The following SPNS2 variants were observed in gnomAD, a reference collection of about 807,000 sequenced individuals.
The protein encoded by SPNS2 is SPNS lysolipid transporter 2, sphingosine-1-phosphate.
SPNS2 carries 37 observed loss-of-function variants against 57.6 expected under a neutral mutation model. That is an observed-to-expected ratio of 0.64 (90% CI 0.49 to 0.85). The LOEUF (loss-of-function observed/expected upper bound fraction) is 0.85, where lower values mean the gene tolerates loss of function less well. Among genes scored for constraint, SPNS2 ranks in the 40% least tolerant of loss-of-function variants. The pLI is 0.00. For synonymous variants in SPNS2, 440 were observed against 346.9 expected (o/e 1.27, Z -2.98); for missense variants, 831 against 779.1 (o/e 1.07, Z -0.79).
chr17:4,516,782 A>G (rs1325524771), intron 2 of SPNS2, among the ~76,000 whole-genome samples: 1 of 152,250 alleles, frequency 6.6e-6, no homozygotes, highest in African/African-American at 2.4e-5. Context: ...AGCTAAAGCT[A>G]GCAGGGAAAT....
At chr17:4,536,658 AGTGGTTTTCAAAGCT>A in intron 11 of SPNS2, 2 of 665,668 alleles carry the variant, frequency 3.0e-6, no homozygotes, top group South Asian at 3.8e-5. Flanking sequence ...CTCTGGACTT[AGTGGTTTTCAAAGCT>A]GGGGCCCCTC....
chr17:4,522,735 G>A (rs776830933), intron 2 of SPNS2, among the ~76,000 whole-genome samples: 3 of 152,232 alleles, frequency 2.0e-5, no homozygotes, highest in Non-Finnish European at 2.9e-5. Context: ...CCCATCAGCT[G>A]TGGGACTGCT....
intron 1 of SPNS2, 60 bp from the exon 2 acceptor site, chr17:4,513,187 G>T (rs1904891412): frequency 1.3e-6 from 2 of 1,577,144 alleles, no homozygotes; most frequent in Non-Finnish European, 1.7e-6. Flanking sequence ...AGGCTGGGCT[G>T]GTCTGTGGGG....
chr17:4,536,454 T>C (rs981322276), intron 11 of SPNS2, 28 bp downstream of exon 11: 19 of 1,578,546 alleles, frequency 1.2e-5, no homozygotes, highest in Non-Finnish European at 1.3e-5. Flanking sequence ...GAGGCCCTGC[T>C]GCACCGCCGG....
rs1355470125 is a variant in SPNS2 at position 4,499,769 on chromosome 17, C to T, written c.370+352C>T. The T allele has an allele frequency of 5.2e-6, 1 of 193,534 alleles. No individual in the cohort carries two copies. The highest frequency in any genetic ancestry group is 1.1e-5 in the Non-Finnish European group (1 of 95,038). The allele number at this position is 193,534 out of a possible 1,614,324, so 12.0% of individuals were successfully genotyped here. A position where few individuals can be genotyped will look rare whatever the true frequency, so the allele number is the denominator to read the frequency against. ...CCTTGTCTCTGCGCCCCCTCCGACC[C>T]CAGCTGCCGGTTCCCGGGCCTCCTT... On this transcript the variant is annotated intron_variant, in intron 1 of 12. Coordinates refer to ENST00000329078, the MANE Select transcript of SPNS2 (RefSeq NM_001124758.3). This position sits in a 1 kb window ranked among gnomAD's most constrained non-coding sequence, Gnocchi z 5.2.
chr17:4,502,401 C>A (rs1031297254), intron 1 of SPNS2, among the ~76,000 whole-genome samples: 4 of 151,122 alleles, frequency 2.6e-5, no homozygotes, highest in African/African-American at 9.8e-5. Context: ...AAAAATTATA[C>A]ACACACACAC....
Position 4,505,046 on chromosome 17 carries a change from C to T in SPNS2, c.370+5629C>T, listed in dbSNP as rs116401876. 5.2e-3 allele frequency among the ~76,000 whole-genome samples: 789 copies of T among 152,302 alleles called. 7 individuals carry two copies. Among genetic ancestry groups the T allele is most frequent in the African/African-American group, 0.018 (743 of 41,564 alleles). On this transcript the variant is annotated intron_variant, in intron 1 of 12. Coordinates refer to ENST00000329078, the MANE Select transcript of SPNS2 (RefSeq NM_001124758.3). ...TGCGCTTGTCCCTGGTGGGTCTCAGCGGTGTCCTCTTTCCAGGATGCCGTC... is the reference window on the plus strand; with the variant it reads ...TGCGCTTGTCCCTGGTGGGTCTCAGTGGTGTCCTCTTTCCAGGATGCCGTC...
chr17:4,538,415 G>A lies in SPNS2; in HGVS notation c.*967G>A, dbSNP rs917484594. The A allele has an allele frequency of 2.1e-5, 4 of 192,050 alleles. No individual in the cohort carries two copies. Among genetic ancestry groups the A allele is most frequent in the Non-Finnish European group, 3.2e-5 (3 of 93,874 alleles). 11.9% of individuals were successfully genotyped at this position (192,050 alleles called of 1,614,324 possible). On this transcript the variant is annotated 3_prime_UTR_variant, in exon 13 of 13. Transcript: ENST00000329078. ...GCCCCAGAGCTGAGGCTGAGGCCCCGGGAGAGGCGGCCCCTACCCAAACAC... is the reference window on the plus strand; with the variant it reads ...GCCCCAGAGCTGAGGCTGAGGCCCCAGGAGAGGCGGCCCCTACCCAAACAC...
chr17:4,520,346 C>G (rs1905108042), intron 2 of SPNS2, among the ~76,000 whole-genome samples: 1 of 152,182 alleles, frequency 6.6e-6, no homozygotes, highest in Non-Finnish European at 1.5e-5. Flanking sequence ...CTAAGAAGGG[C>G]CCGTGCTTCC....
In SPNS2 at chr17:4,537,973, T is replaced by A. The variant is rs969329598; in HGVS notation, c.*525T>A. The stretch of plus-strand genomic sequence containing the variant: ...CGAGGGCCTGGTATGCAGGGACCAC[T>A]GCTCAGCTGGGCCTCGGACCTTGGG... On this transcript the variant is annotated 3_prime_UTR_variant, in exon 13 of 13. Coordinates refer to ENST00000329078, the MANE Select transcript of SPNS2 (RefSeq NM_001124758.3). The A allele has an allele frequency of 2.8e-6, 1 of 359,614 alleles. No individual in the cohort carries two copies. The highest frequency in any genetic ancestry group is 3.8e-4 in the Middle Eastern group (1 of 2,608). 22.3% of individuals were successfully genotyped at this position (359,614 alleles called of 1,614,324 possible). A position where few individuals can be genotyped will look rare whatever the true frequency, so the allele number is the denominator to read the frequency against.
In SPNS2 at chr17:4,536,093, G is replaced by T. The variant is rs376977615; in HGVS notation, c.1362G>T (p.Thr454=). The change falls in exon 10 of 13, where the codon ACG becomes ACT. Residue 454 remains threonine (T), a synonymous_variant. Transcript: ENST00000329078. The part of the protein sequence containing the change: ...ADILMYVVIP[T]RRATAVALQS... Reference sequence around the variant, plus strand: ...TTCCGCAGTACGTGGTCATCCCCACGCGGCGCGCCACTGCCGTGGCCTTGC... The same window carrying T: ...TTCCGCAGTACGTGGTCATCCCCACTCGGCGCGCCACTGCCGTGGCCTTGC... 5.0e-6 allele frequency: 8 copies of T among 1,611,830 alleles called. No individual in the cohort carries two copies. Among genetic ancestry groups the T allele is most frequent in the Non-Finnish European group, 5.1e-6 (6 of 1,179,754 alleles).
Position 4,533,799 on chromosome 17 carries a change from C to A in SPNS2, c.1290C>A (p.Phe430Leu). The change falls in exon 9 of 13, where the codon TTC (phenylalanine) becomes TTA (leucine). Residue 430 changes from phenylalanine (F) to leucine (L), a missense_variant. This residue lies in a region of SPNS2 where 526 missense variants were observed against 400.9 expected (regional missense o/e 1.31). Coordinates refer to ENST00000329078, the MANE Select transcript of SPNS2 (RefSeq NM_001124758.3). ...CTTCTCCCCGGCAGATCTGTATCTT[C>A]GTCGGGGAGACGCTGCTGTTTTCTA... is the stretch of plus-strand genomic sequence containing the variant. ...SSIVGAYICIFVGETLLFSNW... is the reference protein window; with the variant it reads ...SSIVGAYICILVGETLLFSNW... The A allele has an allele frequency of 6.2e-7, 1 of 1,613,696 alleles. No individual in the cohort carries two copies. The highest frequency in any genetic ancestry group is 1.1e-5 in the South Asian group (1 of 91,082).
In SPNS2 at chr17:4,512,422, G is replaced by A. The variant is rs8078927; in HGVS notation, c.371-825G>A. Among the ~76,000 whole-genome samples the A allele has an allele frequency of 0.1, 15,972 of 152,120 alleles. 919 individuals are homozygous for A. Among genetic ancestry groups the A allele is most frequent in the Middle Eastern group, 0.15 (45 of 294 alleles). On this transcript the variant is annotated intron_variant, in intron 1 of 12. Transcript: ENST00000329078. The surrounding 1 kb of genome is among the most constrained non-coding windows in gnomAD (Gnocchi z 5.2). ...ATGGCTCTGCCAGTCTGCTGGGGCT[G>A]TGGGTGGTTTCTGGGTGGTCCAGCT...
At chr17:4,507,092 G>A (rs1312089134) in intron 1 of SPNS2, among the ~76,000 whole-genome samples, 3 of 152,212 alleles carry the variant, frequency 2.0e-5, no homozygotes, top group Non-Finnish European at 2.9e-5. Flanking sequence ...CAGCGGGGCC[G>A]GGCTGTGGGT....
rs61751931 is a variant in SPNS2, at chr17:4,525,034, C to T, written c.437-23C>T. ...CGGGGCGCAGGGACCTGGGCCCCCC[C>T]TCAAGCTCTCCTCTCCCTGCAGTGT... is the stretch of plus-strand genomic sequence containing the variant. On this transcript the variant is annotated intron_variant, in intron 2 of 12. Transcript: ENST00000329078. 3.6e-4 allele frequency: 583 copies of T among 1,609,864 alleles called. 4 individuals carry two copies. The African/African-American group carries it at 5.9e-3, about 16-fold the overall frequency.
chr17:4,513,581 T>C (rs999277969), intron 2 of SPNS2, among the ~76,000 whole-genome samples: 1 of 152,046 alleles, frequency 6.6e-6, no homozygotes, highest in East Asian at 1.9e-4. Context: ...GTTGCAGAGG[T>C]GAACTTTCTC....
intron 1 of SPNS2, among the ~76,000 whole-genome samples, chr17:4,500,554 T>C (rs1409284526): frequency 2.6e-5 from 4 of 151,974 alleles, no homozygotes; most frequent in African/African-American, 7.3e-5. Context: ...TGCGTAACTA[T>C]AGCTTAGTAA....
Position 4,536,245 on chromosome 17 carries a change from AC to A in SPNS2, c.1444-13del. 3.1e-6 allele frequency: 5 copies of A among 1,609,584 alleles called. No individual in the cohort carries two copies. Among genetic ancestry groups the A allele is most frequent in the Non-Finnish European group, 4.2e-6 (5 of 1,178,578 alleles). ...GCAGGAGGGCTCTGCCCTGACATCC[AC>A]CCCCAAATCCTCGCAGATCTCAGAC... On this transcript the variant is annotated splice_polypyrimidine_tract_variant and intron_variant, in intron 10 of 12. Coordinates refer to ENST00000329078, the MANE Select transcript of SPNS2 (RefSeq NM_001124758.3).
At chr17:4,532,191 CATCT>C (rs1397665466) in intron 5 of SPNS2, among the ~76,000 whole-genome samples, 1 of 152,044 alleles carries the variant, frequency 6.6e-6, no homozygotes, top group African/African-American at 2.4e-5. Flanking sequence ...TCCATCCCTC[CATCT>C]ATCTCTGTCC....
Sources: gnomAD v4.1 joint callset for allele counts (sites outside exome capture counted in the v4.1 genomes callset) on GRCh38, gnomAD v4.1.1 for gene constraint, gnomAD v4.1.1 regional missense constraint, Gnocchi (gnomAD v3.1) non-coding constraint, MANE v1.5 for transcripts, NCBI Gene and HGNC (gene_info 2026-07-23, HGNC 2026-07-21) for gene names.